Variants in KLHL32 observed in about 807,000 individuals in gnomAD.
KLHL32 encodes kelch-like protein 32.
In KLHL32, 35 loss-of-function variants were observed where a neutral mutation model predicts 64.8. The ratio of observed to expected loss-of-function variants is 0.54; its 90% CI spans 0.41 to 0.72. The LOEUF (loss-of-function observed/expected upper bound fraction) is 0.72. Ranked by LOEUF, KLHL32 falls within the 30% of genes least tolerant of loss-of-function variation. KLHL32 has a pLI of 0.00. For missense variants in KLHL32, 589 were observed against 768.5 expected (o/e 0.77, Z 2.76); for synonymous variants, 259 against 281.0 (o/e 0.92, Z 0.78).
intron 3 of KLHL32, among the ~76,000 whole-genome samples, chr6:97,038,393 C>A (rs1448726686): frequency 1.3e-5 from 2 of 151,402 alleles, no homozygotes; most frequent in African/African-American, 2.4e-5. Context: ...ATACAGATGT[C>A]CAATAGATAT....
intron 5 of KLHL32, among the ~76,000 whole-genome samples, chr6:97,083,690 T>A (rs950228431): frequency 6.6e-6 from 1 of 152,270 alleles, no homozygotes; most frequent in Non-Finnish European, 1.5e-5. Context: ...GAAGGATTTT[T>A]GTTTTCCATA....
chr6:96,905,170 T>C, the KLHL32 span, among the ~76,000 whole-genome samples: 1 of 152,116 alleles, frequency 6.6e-6, no homozygotes, highest in African/African-American at 2.4e-5. Flanking sequence ...GTCTTGATAA[T>C]TTGGCACAGG....
chr6:97,139,210 T>C lies in KLHL32; in HGVS notation c.1791T>C (p.Leu597=). ...CCAATGGAATAGCAGCATGCTTCCTTCCAGCTCCATATTTTACATGCCCTA... is the reference window on the plus strand; with the variant it reads ...CCAATGGAATAGCAGCATGCTTCCTCCCAGCTCCATATTTTACATGCCCTA... ...FASNGIAACF[L]PAPYFTCPNL... is the part of the protein sequence containing the mutation. Residue 597 remains leucine, a synonymous_variant, in exon 11 of 11, where the codon CTT becomes CTC. Transcript: ENST00000369261. 1 of 1,614,020 alleles carries C rather than the reference T, an allele frequency of 6.2e-7. No individual in the cohort carries two copies. Among genetic ancestry groups the C allele is most frequent in the South Asian group, 1.1e-5 (1 of 91,084 alleles).
intron 7 of KLHL32, among the ~76,000 whole-genome samples, chr6:97,115,993 T>C (rs1240451184): frequency 3.2e-5 from 1 of 31,054 alleles, no homozygotes; most frequent in Non-Finnish European, 6.2e-5. Flanking sequence ...GGACTTTGAC[T>C]GTTCTTCTGC....
At chr6:97,001,330 T>C (rs1779006584) in intron 3 of KLHL32, among the ~76,000 whole-genome samples, 1 of 152,202 alleles carries the variant, frequency 6.6e-6, no homozygotes, top group African/African-American at 2.4e-5. Flanking sequence ...CTAAAACTGG[T>C]CTAAAACATA....
rs144674698 is a variant in KLHL32, at chr6:97,087,893, C to G, written c.627+2552C>G. Among the ~76,000 whole-genome samples, 1,431 of 152,304 alleles carry G rather than the reference C, an allele frequency of 9.4e-3. 12 individuals carry two copies. The highest frequency in any genetic ancestry group is 0.014 in the Non-Finnish European group (935 of 68,028). ...TTTTTCCTGCTGTTCCTTACCCAAG[C>G]CCTTTCCTTGACAAAATGTGTTGTA... On this transcript the variant is annotated intron_variant, in intron 6 of 10. Transcript: ENST00000369261.
chr6:97,012,204 GC>G (rs1328253277), intron 3 of KLHL32, among the ~76,000 whole-genome samples: 1 of 152,148 alleles, frequency 6.6e-6, no homozygotes, highest in African/African-American at 2.4e-5. Flanking sequence ...AGATGTCCAT[GC>G]CCTAATTTCT....
chr6:97,085,154 T>C lies in KLHL32; in HGVS notation c.440T>C (p.Leu147Pro). The change falls in exon 6 of 11, where the codon CTG (leucine) becomes CCG (proline). Residue 147 changes from leucine (L) to proline (P), a missense_variant. Leu to Pro is a moderately conservative substitution (Grantham distance 98). Coordinates refer to ENST00000369261, the MANE Select transcript of KLHL32 (RefSeq NM_052904.4). ...TTAAATAGCTTTAATTACTTGGATC[T>C]GTACAGACTTGCTGACCTCTTTAAC... ...QELNSFNYLD[L>P]YRLADLFNLT... The C allele has an allele frequency of 6.2e-7, 1 of 1,613,846 alleles. No individual in the cohort carries two copies. Among genetic ancestry groups the C allele is most frequent in the Non-Finnish European group, 8.5e-7 (1 of 1,179,984 alleles).
chr6:97,086,145 T>C lies in KLHL32; in HGVS notation c.627+804T>C, dbSNP rs1030770163. On this transcript the variant is annotated intron_variant, in intron 6 of 10. Transcript: ENST00000369261. The stretch of plus-strand genomic sequence containing the variant: ...CTTGTAGGGTGCCATGCCTCCAAGA[T>C]TTCACAATCATTTGAAAAATAATTA... 3.9e-5 allele frequency among the ~76,000 whole-genome samples: 6 copies of C among 152,222 alleles called. No individual in the cohort carries two copies. The South Asian group carries it at 1.2e-3, about 32-fold the overall frequency.
intron 3 of KLHL32, among the ~76,000 whole-genome samples, chr6:97,039,337 G>T (rs1302298873): frequency 6.6e-6 from 1 of 152,120 alleles, no homozygotes; most frequent in African/African-American, 2.4e-5. Flanking sequence ...TAAAAAAAGT[G>T]AATCTCATGA....
intron 6 of KLHL32, among the ~76,000 whole-genome samples, chr6:97,105,979 T>C (rs929237979): frequency 6.6e-5 from 10 of 152,204 alleles, no homozygotes; most frequent in African/African-American, 2.4e-4. Flanking sequence ...ATGTATTTTC[T>C]GGAAATCGGA....
chr6:96,996,849 A>T (rs991074859), intron 3 of KLHL32, among the ~76,000 whole-genome samples: 9 of 152,184 alleles, frequency 5.9e-5, no homozygotes, highest in African/African-American at 2.2e-4. Context: ...TCTCTATTTT[A>T]AAAATAAAGA....
chr6:96,968,070 C>T (rs1453658007), intron 2 of KLHL32, among the ~76,000 whole-genome samples: 2 of 152,096 alleles, frequency 1.3e-5, no homozygotes, highest in African/African-American at 4.8e-5. Flanking sequence ...GTAATGAGAC[C>T]AGCTTCTTTC....
intron 10 of KLHL32, among the ~76,000 whole-genome samples, chr6:97,135,852 G>A (rs1408057764): frequency 6.6e-6 from 1 of 152,102 alleles, no homozygotes; most frequent in East Asian, 1.9e-4. Flanking sequence ...TTGATGGTTG[G>A]AGAGAATAGC....
chr6:96,960,329 T>C (rs1024126471), intron 1 of KLHL32, among the ~76,000 whole-genome samples: 3 of 152,148 alleles, frequency 2.0e-5, no homozygotes, highest in Non-Finnish European at 4.4e-5. Flanking sequence ...CTTTTCCTGG[T>C]CATCTTCCCA....
At chr6:97,027,239 G>A (rs908636909) in intron 3 of KLHL32, among the ~76,000 whole-genome samples, 1 of 151,942 alleles carries the variant, frequency 6.6e-6, no homozygotes, top group Non-Finnish European at 1.5e-5. Context: ...CAGAAATTGT[G>A]TGTTTTAGTA....
chr6:97,036,005 CTT>C (rs1784243224), intron 3 of KLHL32, among the ~76,000 whole-genome samples: 1 of 151,998 alleles, frequency 6.6e-6, no homozygotes, highest in Non-Finnish European at 1.5e-5. Flanking sequence ...AATCCATAGG[CTT>C]TCTTTACTCC....
intron 1 of KLHL32, among the ~76,000 whole-genome samples, chr6:96,939,101 C>A (rs1318559982): frequency 1.3e-5 from 2 of 152,208 alleles, no homozygotes; most frequent in African/African-American, 2.4e-5. Flanking sequence ...ATGGGCCACA[C>A]CTTATTGGCT....
At chr6:96,931,445 G>A (rs991061149) in intron 1 of KLHL32, among the ~76,000 whole-genome samples, 1 of 152,166 alleles carries the variant, frequency 6.6e-6, no homozygotes, top group East Asian at 1.9e-4. Context: ...TATATTGTAG[G>A]ATCCCATAGA....
Sources: gnomAD v4.1 joint callset for allele counts (sites outside exome capture counted in the v4.1 genomes callset) on GRCh38, gnomAD v4.1.1 for gene constraint, MANE v1.5 for transcripts, NCBI Gene and HGNC (gene_info 2026-07-23, HGNC 2026-07-21) for gene names.